Variants in SLC20A2 observed in about 807,000 individuals in gnomAD.
SLC20A2 encodes solute carrier family 20 member 2.
A neutral mutation model predicts 61.0 loss-of-function variants in SLC20A2; 30 were observed. The observed-to-expected ratio is 0.49, with a 90% CI of 0.37 to 0.67. SLC20A2 has a LOEUF of 0.67. Ranked by LOEUF, SLC20A2 falls within the 30% of genes least tolerant of loss-of-function variation. SLC20A2 has a pLI of 0.00. For missense variants in SLC20A2, 626 were observed against 866.4 expected (o/e 0.72, Z 3.48); for synonymous variants, 351 against 353.3 (o/e 0.99, Z 0.07).
At chr8:42,434,336 C>T (rs111456187) in intron 8 of SLC20A2, among the ~76,000 whole-genome samples, 15,852 of 152,140 alleles carry the variant, frequency 0.1, 1,818 homozygotes, top group African/African-American at 0.28. Flanking sequence ...ATCCACCTGC[C>T]TCGGCCTCCC....
chr8:42,533,819 C>T (rs1346981940), intron 1 of SLC20A2, among the ~76,000 whole-genome samples: 3 of 151,142 alleles, frequency 2.0e-5, no homozygotes, highest in African/African-American at 7.3e-5. Flanking sequence ...CCACCATGCC[C>T]GGCTAATTTT....
intron 10 of SLC20A2, among the ~76,000 whole-genome samples, chr8:42,420,381 A>C (rs1019745811): frequency 2.6e-5 from 4 of 152,066 alleles, no homozygotes; most frequent in Admixed American, 2.6e-4. Context: ...ATATGCTATA[A>C]TTTTCTTCTG....
At chr8:42,526,728 A>C (rs895953077) in intron 1 of SLC20A2, among the ~76,000 whole-genome samples, 3 of 151,936 alleles carry the variant, frequency 2.0e-5, no homozygotes, top group Non-Finnish European at 4.4e-5. Flanking sequence ...TAAAGTATGA[A>C]ATTTTGGTAA....
At chr8:42,420,567 G>A (rs1343138144) in intron 10 of SLC20A2, among the ~76,000 whole-genome samples, 1 of 152,124 alleles carries the variant, frequency 6.6e-6, no homozygotes, top group Non-Finnish European at 1.5e-5. Context: ...CTGACAGTCA[G>A]CTATTCAACC....
At chr8:42,487,650 C>T (rs755722967) in intron 1 of SLC20A2, among the ~76,000 whole-genome samples, 10 of 152,166 alleles carry the variant, frequency 6.6e-5, no homozygotes, top group Admixed American at 2.0e-4. Context: ...TAATTTACTG[C>T]GAAGCCTCTC....
chr8:42,436,997 A>G lies in SLC20A2; in HGVS notation c.1515T>C (p.Asn505=). 1 of 1,600,066 alleles carries G rather than the reference A, an allele frequency of 6.2e-7. No homozygotes were observed. The highest frequency in any genetic ancestry group is 8.5e-7 in the Non-Finnish European group (1 of 1,172,132). Residue 505 remains asparagine, a synonymous_variant, in exon 8 of 11, where the codon AAT becomes AAC. Coordinates refer to ENST00000520262, the MANE Select transcript of SLC20A2 (RefSeq NM_001257180.2). The part of the protein sequence containing the change: ...ACFGSFAHGG[N]DVSNAIGPLV... Reference sequence around the variant, plus strand: ...TGAATGAAAGCACCCACCTCACGTCATTGCCGCCGTGAGCAAAGGACCCGA... The same window carrying G: ...TGAATGAAAGCACCCACCTCACGTCGTTGCCGCCGTGAGCAAAGGACCCGA...
Position 42,430,232 on chromosome 8 carries a change from AGGGGACCGAT to A in SLC20A2, c.1531_1540del (p.Ile511TrpfsTer2). 6.2e-7 allele frequency: 1 copy of A among 1,612,866 alleles called. No homozygotes were observed. Among genetic ancestry groups the A allele is most frequent in the Non-Finnish European group, 8.5e-7 (1 of 1,179,624 alleles). Reference sequence around the variant, plus strand: ...TTTGTAAATCAGCCACAAGGCTACCAGGGGACCGATGGCATTACTGGGAAAAATAAAAAGA... The same window carrying A: ...TTTGTAAATCAGCCACAAGGCTACCAGGCATTACTGGGAAAAATAAAAAGA... On this transcript the variant is annotated frameshift_variant, in exon 9 of 11. Transcript: ENST00000520262. LOFTEE classifies it high-confidence loss of function.
At chr8:42,424,333 G>A (rs1803248111) in intron 10 of SLC20A2, among the ~76,000 whole-genome samples, 2 of 151,896 alleles carry the variant, frequency 1.3e-5, no homozygotes, top group African/African-American at 4.8e-5. Context: ...GGGGTGCGGG[G>A]GGGGATAGTT....
chr8:42,430,756 A>C (rs943713221), intron 8 of SLC20A2, among the ~76,000 whole-genome samples: 15 of 152,114 alleles, frequency 9.9e-5, no homozygotes, highest in African/African-American at 3.4e-4. Flanking sequence ...TGCTCACGTC[A>C]TGTCTCTGTG....
chr8:42,444,190 G>T (rs555618059), intron 6 of SLC20A2, among the ~76,000 whole-genome samples: 1 of 152,148 alleles, frequency 6.6e-6, no homozygotes. Context: ...ACTTTATAAA[G>T]AAACTGCAAA....
intron 1 of SLC20A2, among the ~76,000 whole-genome samples, chr8:42,527,855 G>A (rs1461400262): frequency 6.6e-6 from 1 of 152,022 alleles, no homozygotes; most frequent in Non-Finnish European, 1.5e-5. Flanking sequence ...TATAATAAAT[G>A]AAATTAGAAT....
chr8:42,499,314 G>C (rs1485704380), intron 1 of SLC20A2, among the ~76,000 whole-genome samples: 1 of 152,178 alleles, frequency 6.6e-6, no homozygotes, highest in African/African-American at 2.4e-5. Context: ...CAGGCACACG[G>C]GGTAGAAGCA....
intron 6 of SLC20A2, among the ~76,000 whole-genome samples, chr8:42,443,887 C>T (rs551324102): frequency 6.6e-6 from 1 of 152,234 alleles, no homozygotes; most frequent in South Asian, 2.1e-4. Flanking sequence ...TGCCAGCATG[C>T]AGAATAGGTG....
chr8:42,431,680 G>GC (rs1436795257), intron 8 of SLC20A2, among the ~76,000 whole-genome samples: 12 of 152,322 alleles, frequency 7.9e-5, no homozygotes, highest in South Asian at 6.2e-4. Flanking sequence ...AGCTTCAAAG[G>GC]ACAGGCTGAC....
Position 42,533,820 on chromosome 8 carries a change from G to A in SLC20A2, c.-265+8001C>T, listed in dbSNP as rs137985115. Among the ~76,000 whole-genome samples the A allele has an allele frequency of 7.6e-3, 1,153 of 151,034 alleles. 8 individuals are homozygous for A. The highest frequency in any genetic ancestry group is 0.016 in the African/African-American group (650 of 41,176). ...ATTACAGGCGTGCACCACCATGCCCGGCTAATTTTTGTATTTCTAGTGGAG... is the reference window on the plus strand; with the variant it reads ...ATTACAGGCGTGCACCACCATGCCCAGCTAATTTTTGTATTTCTAGTGGAG... On this transcript the variant is annotated intron_variant, in intron 1 of 10. Transcript: ENST00000342228.
chr8:42,513,164 G>C (rs764136094), intron 1 of SLC20A2, among the ~76,000 whole-genome samples: 12 of 152,176 alleles, frequency 7.9e-5, no homozygotes, highest in Non-Finnish European at 1.2e-4. Context: ...ATTAAAAATA[G>C]CCAAGAGAAG....
intron 7 of SLC20A2, among the ~76,000 whole-genome samples, chr8:42,438,718 C>T (rs1271896939): frequency 6.6e-6 from 1 of 151,714 alleles, no homozygotes; most frequent in East Asian, 1.9e-4. Flanking sequence ...TTTTTCTTTT[C>T]TTTTCTTTTC....
chr8:42,431,955 C>T (rs937084454), intron 8 of SLC20A2, among the ~76,000 whole-genome samples: 34 of 152,278 alleles, frequency 2.2e-4, no homozygotes, highest in African/African-American at 7.0e-4. Flanking sequence ...AGAGCTCTGA[C>T]GGAGATATGC....
chr8:42,424,584 C>T (rs1175723004), intron 10 of SLC20A2, among the ~76,000 whole-genome samples: 1 of 152,200 alleles, frequency 6.6e-6, no homozygotes, highest in Non-Finnish European at 1.5e-5. Flanking sequence ...AGAATACATA[C>T]AGAGGGTGTA....
Sources: gnomAD v4.1 joint callset for allele counts (sites outside exome capture counted in the v4.1 genomes callset) on GRCh38, gnomAD v4.1.1 for gene constraint, MANE v1.5 for transcripts, NCBI Gene and HGNC (gene_info 2026-07-23, HGNC 2026-07-21) for gene names.